Variants in INSL6 observed in about 807,000 individuals in gnomAD.
The protein encoded by INSL6 is insulin-like peptide INSL6.
In INSL6, 16 loss-of-function variants were observed where a neutral mutation model predicts 9.4. The ratio of observed to expected loss-of-function variants is 1.70; its 90% CI spans 1.15 to 2.59. The LOEUF (loss-of-function observed/expected upper bound fraction) is 2.59, where lower values mean the gene tolerates loss of function less well. Ranked by LOEUF, INSL6 falls within the 30% of genes most tolerant of loss-of-function variation. The pLI is 0.00. For missense variants in INSL6, 391 were observed against 257.3 expected (o/e 1.52, Z -3.56); for synonymous variants, 154 against 96.9 (o/e 1.59, Z -3.46).
chr9:5,048,134 T>G, the INSL6 span, among the ~76,000 whole-genome samples: 11 of 152,082 alleles, frequency 7.2e-5, no homozygotes, highest in South Asian at 2.3e-3. Flanking sequence ...TATCTACCAG[T>G]TCTTTTCTTT....
downstream of INSL6, chr9:5,122,910 G>GT (rs796174169): frequency 0.026 from 16,266 of 624,460 alleles, 51 homozygotes; most frequent in African/African-American, 0.049. Context: ...TTCTCTACAT[G>GT]TTTTTTTTTT....
At chr9:5,036,881 G>C in the INSL6 span, among the ~76,000 whole-genome samples, 2 of 152,262 alleles carry the variant, frequency 1.3e-5, no homozygotes, top group African/African-American at 4.8e-5. Flanking sequence ...TTAAACCAAA[G>C]AGCTTCTGCA....
At chr9:5,064,653 A>C in the INSL6 span, among the ~76,000 whole-genome samples, 4 of 152,264 alleles carry the variant, frequency 2.6e-5, no homozygotes, top group African/African-American at 9.6e-5. Context: ...AAATAAAGTA[A>C]AATGATGGCT....
chr9:5,012,602 A>T, the INSL6 span, among the ~76,000 whole-genome samples: 7 of 152,210 alleles, frequency 4.6e-5, no homozygotes, highest in African/African-American at 1.4e-4. Context: ...TATGTATAAT[A>T]AAATAATTAT....
intron 2 of INSL6, among the ~76,000 whole-genome samples, chr9:5,143,241 T>C (rs1334420131): frequency 1.3e-5 from 2 of 152,106 alleles, no homozygotes; most frequent in African/African-American, 2.4e-5. Flanking sequence ...CTCAATTTTT[T>C]TTTTTTAATA....
the INSL6 span, chr9:5,094,908 C>T: frequency 2.0e-5 from 3 of 152,136 alleles, no homozygotes; most frequent in Non-Finnish European, 4.4e-5. Flanking sequence ...CCTCCAATTC[C>T]ACTACAACCA....
At chr9:5,167,272 T>C (rs114844797) in intron 1 of INSL6, among the ~76,000 whole-genome samples, 2 of 152,206 alleles carry the variant, frequency 1.3e-5, no homozygotes, top group Non-Finnish European at 2.9e-5. Flanking sequence ...GGTCCCCTCA[T>C]GAGCCCATGC....
chr9:5,085,534 A>G, the INSL6 span: 12 of 712,458 alleles, frequency 1.7e-5, no homozygotes, highest in Non-Finnish European at 2.6e-5. Flanking sequence ...CAAATCTTCA[A>G]TAACTCGGGT....
the INSL6 span, among the ~76,000 whole-genome samples, chr9:5,103,442 A>G: frequency 6.6e-6 from 1 of 152,010 alleles, no homozygotes; most frequent in South Asian, 2.1e-4. Flanking sequence ...AGACCTATAA[A>G]GAGACTTAGA....
chr9:5,098,697 CT>C, the INSL6 span: 1,485 of 142,738 alleles, frequency 0.01, 11 homozygotes, highest in African/African-American at 0.028. Context: ...GCTTCAATTC[CT>C]TTTTTTTTTT....
At chr9:5,105,249 T>A in the INSL6 span, among the ~76,000 whole-genome samples, 3 of 152,150 alleles carry the variant, frequency 2.0e-5, no homozygotes, top group African/African-American at 7.2e-5. Flanking sequence ...ATCACAAGCA[T>A]TCCTATACAC....
At chr9:5,007,511 C>T in the INSL6 span, among the ~76,000 whole-genome samples, 1,638 of 151,942 alleles carry the variant, frequency 0.011, 11 homozygotes, top group Non-Finnish European at 0.018. Context: ...TCAATGCATA[C>T]GTGAGTTTTT....
chr9:5,115,760 A>G, the INSL6 span, among the ~76,000 whole-genome samples: 2 of 152,214 alleles, frequency 1.3e-5, no homozygotes, highest in Non-Finnish European at 2.9e-5. Context: ...TGTCCTTTGC[A>G]GGGACAAAGA....
intron 2 of INSL6, among the ~76,000 whole-genome samples, chr9:5,154,899 T>C (rs1471184565): frequency 6.6e-6 from 1 of 152,074 alleles, no homozygotes; most frequent in Non-Finnish European, 1.5e-5. Context: ...AGTTCAACCA[T>C]TGTGGAAGTC....
At chr9:5,132,204 G>C (rs377621808) in intron 3 of INSL6, 2 of 152,126 alleles carry the variant, frequency 1.3e-5, no homozygotes, top group East Asian at 3.9e-4. Context: ...AATTATTTCA[G>C]AGGAAGAAAA....
the INSL6 span, among the ~76,000 whole-genome samples, chr9:4,997,450 G>C: frequency 6.6e-6 from 1 of 152,128 alleles, no homozygotes; most frequent in Non-Finnish European, 1.5e-5. Flanking sequence ...GAGAATGTGG[G>C]GAAGGTGCAC....
At chr9:5,181,388 C>A (rs1314618286) in intron 1 of INSL6, among the ~76,000 whole-genome samples, 1 of 151,620 alleles carries the variant, frequency 6.6e-6, no homozygotes, top group African/African-American at 2.4e-5. Flanking sequence ...ATGGTTATCC[C>A]ACAAATTAGT....
At chr9:5,111,451 A>T in the INSL6 span, 1 of 392,006 alleles carries the variant, frequency 2.6e-6, no homozygotes, top group Non-Finnish European at 5.0e-6. Flanking sequence ...CTGGTCTTCC[A>T]TCCTCGGCGT....
At chr9:5,049,813 G>T in the INSL6 span, among the ~76,000 whole-genome samples, 1 of 152,124 alleles carries the variant, frequency 6.6e-6, no homozygotes, top group Non-Finnish European at 1.5e-5. Flanking sequence ...AGTCTGTATG[G>T]TATAGCCTAT....
Sources: allele counts gnomAD v4.1 joint callset (sites outside exome capture counted in the v4.1 genomes callset), GRCh38; gene constraint gnomAD v4.1.1; transcripts MANE v1.5; gene names NCBI Gene and HGNC (gene_info 2026-07-23, HGNC 2026-07-21).